The following TRIM2 variants were observed in gnomAD, a reference collection of about 807,000 sequenced individuals.
The protein encoded by TRIM2 is tripartite motif-containing protein 2.
A neutral mutation model predicts 75.2 loss-of-function variants in TRIM2; 20 were observed. The observed-to-expected ratio is 0.27, with a 90% CI of 0.19 to 0.39. The LOEUF (loss-of-function observed/expected upper bound fraction) is 0.39, where lower values mean the gene tolerates loss of function less well. Ranked by LOEUF, TRIM2 falls within the 10% of genes least tolerant of loss-of-function variation. TRIM2 has a pLI of 1.00. For missense variants in TRIM2, 660 were observed against 990.8 expected (o/e 0.67, Z 4.48); for synonymous variants, 373 against 388.3 (o/e 0.96, Z 0.46).
At chr4:153,299,733 C>T (rs577130008) in intron 6 of TRIM2, among the ~76,000 whole-genome samples, 63 of 152,222 alleles carry the variant, frequency 4.1e-4, no homozygotes, top group African/African-American at 1.4e-3. Context: ...TGCTTTGACC[C>T]GAGTCACCCC....
At chr4:153,296,530 A>G (rs1418227043) in intron 6 of TRIM2, among the ~76,000 whole-genome samples, 1 of 151,888 alleles carries the variant, frequency 6.6e-6, no homozygotes, top group Non-Finnish European at 1.5e-5. Flanking sequence ...GAGGGAGGGG[A>G]TGTGTGCATT....
chr4:153,222,372 G>A (rs1377983987), intron 1 of TRIM2: 2 of 152,162 alleles, frequency 1.3e-5, no homozygotes, highest in African/African-American at 4.8e-5. Context: ...GACTGGGGAA[G>A]AGGATGCGTT....
At chr4:153,285,724 A>T (rs1453278880) in intron 3 of TRIM2, among the ~76,000 whole-genome samples, 1 of 151,656 alleles carries the variant, frequency 6.6e-6, no homozygotes, top group Non-Finnish European at 1.5e-5. Context: ...ACTTTGCTGA[A>T]TTCATTTATT....
chr4:153,211,402 G>T (rs905273990), intron 1 of TRIM2, among the ~76,000 whole-genome samples: 2 of 152,160 alleles, frequency 1.3e-5, no homozygotes, highest in African/African-American at 4.8e-5. Flanking sequence ...ACCTTTAGGA[G>T]CAAGGTGGGG....
chr4:153,260,656 T>TC, intron 1 of TRIM2, among the ~76,000 whole-genome samples: 1 of 120,334 alleles, frequency 8.3e-6, no homozygotes, highest in East Asian at 2.5e-4. Context: ...CTGAATGCCT[T>TC]CCCCCCAAAA....
At chr4:153,224,120 C>T (rs149436989) in intron 1 of TRIM2, among the ~76,000 whole-genome samples, 61 of 152,246 alleles carry the variant, frequency 4.0e-4, no homozygotes, top group African/African-American at 1.4e-3. Context: ...TTGATTTCAT[C>T]TTTGGCAGAA....
At chr4:153,192,668 A>G (rs1733328586) in intron 1 of TRIM2, among the ~76,000 whole-genome samples, 1 of 151,840 alleles carries the variant, frequency 6.6e-6, no homozygotes, top group Non-Finnish European at 1.5e-5. Flanking sequence ...GGAATTAATG[A>G]TGACAGTTCG....
intron 1 of TRIM2, among the ~76,000 whole-genome samples, chr4:153,160,882 T>C (rs1209103722): frequency 6.6e-6 from 1 of 152,164 alleles, no homozygotes; most frequent in African/African-American, 2.4e-5. Flanking sequence ...GTGCTGCAGT[T>C]ACAGGCGTGA....
chr4:153,245,089 GC>G (rs2149885046), intron 1 of TRIM2, among the ~76,000 whole-genome samples: 1 of 152,316 alleles, frequency 6.6e-6, no homozygotes, highest in African/African-American at 2.4e-5. Flanking sequence ...GCACTGAGAA[GC>G]AAAGTACACA....
chr4:153,318,296 T>C (rs1399666442), intron 8 of TRIM2, among the ~76,000 whole-genome samples: 2 of 152,266 alleles, frequency 1.3e-5, no homozygotes, highest in African/African-American at 2.4e-5. Context: ...AGTCCCCTCA[T>C]TGTTTTAATG....
Position 153,166,391 on chromosome 4 carries a change from G to A in TRIM2, c.-49+13121G>A, listed in dbSNP as rs1391077619. Among the ~76,000 whole-genome samples, 4 of 152,158 alleles carry A rather than the reference G, an allele frequency of 2.6e-5. No individual in the cohort carries two copies. In the South Asian group the frequency reaches 6.2e-4, roughly 24 times the overall value. On this transcript the variant is annotated intron_variant, in intron 1 of 11. Coordinates refer to the TRIM2 transcript ENST00000437508. ...TGCGTGATTGATGGGTTTGGTAATT[G>A]GGACAAGACCTTTGTAGGGTGATCT...
intron 6 of TRIM2, among the ~76,000 whole-genome samples, chr4:153,307,260 G>A (rs573670547): frequency 6.4e-4 from 97 of 152,170 alleles, no homozygotes; most frequent in Non-Finnish European, 7.5e-4. Context: ...GGGTAAGTCA[G>A]ATGATGTGGG....
chr4:153,308,323 T>G (rs563460054), intron 6 of TRIM2: 2 of 1,366,952 alleles, frequency 1.5e-6, no homozygotes, highest in South Asian at 1.2e-5. Context: ...TACATTTCCT[T>G]GTAGACTCTG....
At chr4:153,274,849 GT>G (rs1445780878) in intron 2 of TRIM2, among the ~76,000 whole-genome samples, 5 of 152,310 alleles carry the variant, frequency 3.3e-5, no homozygotes, top group Admixed American at 2.0e-4. Flanking sequence ...GGATTCAGAC[GT>G]CGTTAATGAC....
Position 153,295,838 on chromosome 4 carries a change from C to A in TRIM2, c.1312C>A (p.His438Asn), listed in dbSNP as rs1216152211. The A allele has an allele frequency of 8.1e-6, 13 of 1,613,958 alleles. No individual in the cohort carries two copies. The highest frequency in any genetic ancestry group is 1.3e-5 in the African/African-American group (1 of 74,896). ...FTLSLRLYDQ[H>N]IRGSPFKLKV... ...CCTGTCTCTGAGACTCTATGACCAG[C>A]ACATCCGAGGCAGCCCGTTTAAGCT... Residue 438 changes from histidine (H) to asparagine (N), a missense_variant, in exon 6 of 12, where the codon CAC becomes AAC. Coordinates refer to ENST00000338700, the MANE Select transcript of TRIM2 (RefSeq NM_015271.5). This position sits in a 1 kb window ranked among gnomAD's most constrained non-coding sequence, Gnocchi z 7.2.
At chr4:153,184,318 T>C (rs950205051) in intron 1 of TRIM2, among the ~76,000 whole-genome samples, 1 of 152,184 alleles carries the variant, frequency 6.6e-6, no homozygotes, top group Non-Finnish European at 1.5e-5. Flanking sequence ...ACTATGTGCT[T>C]ACATGGCCTT....
At chr4:153,323,176 C>T (rs1769385297) in intron 9 of TRIM2, among the ~76,000 whole-genome samples, 1 of 152,260 alleles carries the variant, frequency 6.6e-6, no homozygotes, top group East Asian at 1.9e-4. Context: ...TAAAAAGCCA[C>T]TGAATGAGAA....
At chr4:153,230,184 T>A (rs941420354) in intron 1 of TRIM2, among the ~76,000 whole-genome samples, 5 of 139,968 alleles carry the variant, frequency 3.6e-5, no homozygotes, top group East Asian at 2.0e-4. Flanking sequence ...ATCCACACTA[T>A]TTTTTTTTTT....
chr4:153,181,362 C>T (rs1732040583), intron 1 of TRIM2, among the ~76,000 whole-genome samples: 1 of 151,974 alleles, frequency 6.6e-6, no homozygotes, highest in Admixed American at 6.5e-5. Context: ...CCTGTGGGCC[C>T]TGGTCACAGT....
Sources: allele counts gnomAD v4.1 joint callset (sites outside exome capture counted in the v4.1 genomes callset), GRCh38; gene constraint gnomAD v4.1.1; non-coding constraint Gnocchi (gnomAD v3.1); transcripts MANE v1.5; gene names NCBI Gene and HGNC (gene_info 2026-07-23, HGNC 2026-07-21).